Variants in FRK observed in about 807,000 individuals in gnomAD.
FRK encodes the protein tyrosine-protein kinase FRK.
FRK carries 51 observed loss-of-function variants against 56.4 expected under a neutral mutation model. The observed-to-expected ratio is 0.90, with a 90% CI of 0.72 to 1.14. The LOEUF is 1.14. Ranked by LOEUF, FRK falls within the 50% of genes most tolerant of loss-of-function variation. The pLI is 0.00. For missense variants in FRK, 570 were observed against 601.4 expected (o/e 0.95, Z 0.55); for synonymous variants, 245 against 217.9 (o/e 1.12, Z -1.10).
At chr6:115,942,708 T>C (rs1216545070) in intron 7 of FRK, 83 bp from the exon 8 acceptor site, 19 of 1,165,244 alleles carry the variant, frequency 1.6e-5, no homozygotes, top group Non-Finnish European at 2.3e-5. Flanking sequence ...ATTTATACTC[T>C]AGGTTACTAA....
In FRK at chr6:115,942,655, AC is replaced by A. The variant is rs201128839; in HGVS notation, c.1307-31del. 1.8e-4 allele frequency: 276 copies of A among 1,552,438 alleles called. No individual in the cohort carries two copies. The Admixed American group carries it at 1.9e-3, about 11-fold the overall frequency. On this transcript the variant is annotated intron_variant, in intron 7 of 7. Transcript: ENST00000606080. ...AAAATACAGAACGAAACCAACAACAACAAAAAAAACAAGTTAAAGGTCAGAG... is the reference window on the plus strand; with the variant it reads ...AAAATACAGAACGAAACCAACAACAAAAAAAAAACAAGTTAAAGGTCAGAG...
intron 1 of FRK, among the ~76,000 whole-genome samples, chr6:116,032,491 T>C (rs1490144550): frequency 6.6e-6 from 1 of 152,130 alleles, no homozygotes; most frequent in Non-Finnish European, 1.5e-5. Context: ...ATGGCAGGTT[T>C]AATAAGTTTG....
At chr6:116,059,922 A>C (rs1178085591) in intron 1 of FRK, 46 bp downstream of exon 1, 1 of 1,484,232 alleles carries the variant, frequency 6.7e-7, no homozygotes, top group African/African-American at 1.4e-5. Context: ...CTCATTACCC[A>C]GCCCTCAGAG....
chr6:115,967,702 T>A lies in FRK; in HGVS notation c.648A>T (p.Pro216=), dbSNP rs765519069. The A allele has an allele frequency of 2.5e-6, 4 of 1,608,528 alleles. No individual in the cohort carries two copies. The highest frequency in any genetic ancestry group is 3.4e-6 in the Non-Finnish European group (4 of 1,177,000). ...CCACGGTTTTATACGACAAATCAAA[T>A]GGAGCTGGGACCTGGATCTGTTTCA... ...KPCLKIQVPA[P]FDLSYKTVDQ... Residue 216 remains proline, a synonymous_variant, in exon 4 of 8, where the codon CCA becomes CCT. Transcript: ENST00000606080.
At chr6:115,949,633 A>G (rs1772631814) in intron 5 of FRK, among the ~76,000 whole-genome samples, 2 of 152,204 alleles carry the variant, frequency 1.3e-5, no homozygotes, top group South Asian at 2.1e-4. Flanking sequence ...ATTCAATGCT[A>G]TTCTCATCAA....
rs549971855 is a variant in FRK at position 115,931,992 on chromosome 6, A to G, written c.*10422T>C. ...TCCATGAAAATGAAAAAGATGTTAC[A>G]TTGACGTCTGTTGCTTCAAATGAAT... On this transcript the variant is annotated 3_prime_UTR_variant, in exon 8 of 8. Transcript: ENST00000606080. 1 of 152,354 alleles carries G rather than the reference A, an allele frequency of 6.6e-6. No homozygotes were observed. The highest frequency in any genetic ancestry group is 2.4e-5 in the African/African-American group (1 of 41,588). The allele number at this position is 152,354 out of a possible 1,614,324, so 9.4% of individuals were successfully genotyped here. A position where few individuals can be genotyped will look rare whatever the true frequency, so the allele number is the denominator to read the frequency against.
chr6:116,064,143 T>C (rs533422175), upstream of FRK, among the ~76,000 whole-genome samples: 46 of 152,342 alleles, frequency 3.0e-4, no homozygotes, highest in African/African-American at 1.1e-3. Context: ...TGTGACATAG[T>C]TCGCCAAATG....
At chr6:115,969,889 G>T (rs1050430517) in intron 2 of FRK, among the ~76,000 whole-genome samples, 4 of 152,132 alleles carry the variant, frequency 2.6e-5, no homozygotes, top group Non-Finnish European at 5.9e-5. Flanking sequence ...ATTTTGAATA[G>T]GGATTTCTGC....
upstream of FRK, among the ~76,000 whole-genome samples, chr6:116,064,240 C>T (rs551565843): frequency 7.2e-5 from 11 of 152,250 alleles, no homozygotes; most frequent in South Asian, 2.1e-4. Flanking sequence ...TGGGTTCAGG[C>T]GATGCATGAA....
chr6:116,079,621 T>C, the FRK span, among the ~76,000 whole-genome samples: 1 of 152,204 alleles, frequency 6.6e-6, no homozygotes, highest in Non-Finnish European at 1.5e-5. Context: ...GACAGAATCT[T>C]GCTCTGTCAC....
At chr6:115,960,338 G>A (rs887522641) in intron 4 of FRK, among the ~76,000 whole-genome samples, 7 of 151,432 alleles carry the variant, frequency 4.6e-5, no homozygotes, top group African/African-American at 1.7e-4. Flanking sequence ...TTTTCAGACC[G>A]GCTTAAAAAA....
chr6:116,074,723 G>A, the FRK span, among the ~76,000 whole-genome samples: 6 of 152,008 alleles, frequency 3.9e-5, no homozygotes, highest in Non-Finnish European at 5.9e-5. Context: ...TACCATCCCA[G>A]GTCCACTTCT....
At chr6:116,072,369 G>T in the FRK span, among the ~76,000 whole-genome samples, 1 of 152,094 alleles carries the variant, frequency 6.6e-6, no homozygotes, top group African/African-American at 2.4e-5. Flanking sequence ...AAAATGACTT[G>T]ATGTGGTATT....
At chr6:116,088,095 C>T in the FRK span, among the ~76,000 whole-genome samples, 3 of 152,148 alleles carry the variant, frequency 2.0e-5, no homozygotes, top group Non-Finnish European at 4.4e-5. Context: ...ATGGGACATG[C>T]CAGCAGAATT....
At chr6:116,001,505 C>T (rs1775064196) in intron 2 of FRK, among the ~76,000 whole-genome samples, 1 of 152,144 alleles carries the variant, frequency 6.6e-6, no homozygotes, top group Admixed American at 6.5e-5. Flanking sequence ...CACACATACT[C>T]TGAGTTTCCT....
intron 1 of FRK, among the ~76,000 whole-genome samples, chr6:116,047,041 A>G (rs751478646): frequency 8.6e-5 from 13 of 150,512 alleles, no homozygotes; most frequent in Admixed American, 2.0e-4. Context: ...ATATGTATGT[A>G]TATATATTTA....
intron 2 of FRK, among the ~76,000 whole-genome samples, chr6:115,990,008 T>C (rs954285485): frequency 6.6e-6 from 1 of 151,982 alleles, no homozygotes; most frequent in Non-Finnish European, 1.5e-5. Context: ...TATCTCATTA[T>C]GGTTTTAATT....
chr6:116,008,592 G>T (rs1404244040), intron 1 of FRK, among the ~76,000 whole-genome samples: 1 of 152,216 alleles, frequency 6.6e-6, no homozygotes, highest in Non-Finnish European at 1.5e-5. Context: ...ACAATAGCTT[G>T]TTCTACCCTT....
chr6:116,083,633 C>G, the FRK span, among the ~76,000 whole-genome samples: 1 of 152,142 alleles, frequency 6.6e-6, no homozygotes, highest in African/African-American at 2.4e-5. Flanking sequence ...TCCAGAGTTT[C>G]TGATTCAGTA....
Sources: gnomAD v4.1 joint callset for allele counts (sites outside exome capture counted in the v4.1 genomes callset) on GRCh38, gnomAD v4.1.1 for gene constraint, MANE v1.5 for transcripts, NCBI Gene and HGNC (gene_info 2026-07-23, HGNC 2026-07-21) for gene names.